The following ANKS1B variants were observed in gnomAD, a reference collection of about 807,000 sequenced individuals.
ANKS1B encodes the protein ankyrin repeat and sterile alpha motif domain-containing protein 1B.
Under a neutral mutation model 148.3 loss-of-function variants are expected in ANKS1B, and 36 were observed. The observed-to-expected ratio is 0.24, with a 90% confidence interval of 0.19 to 0.32. ANKS1B has a LOEUF of 0.32. ANKS1B is among the 10% of genes least tolerant of loss of function. The pLI is 1.00. For synonymous variants in ANKS1B, 542 were observed against 560.8 expected, an observed-to-expected ratio of 0.97 and a Z score of 0.47; for missense variants, 1,157 against 1,542.6, an observed-to-expected ratio of 0.75 and a Z score of 4.19.
chr12:99,118,979 A>G (rs1223428345), intron 15 of ANKS1B, among the ~76,000 whole-genome samples: 1 of 152,150 alleles, frequency 6.6e-6, no homozygotes, highest in Non-Finnish European at 1.5e-5. Flanking sequence ...TTTACTTCAC[A>G]CCAGCACTCA....
chr12:99,068,897 C>G (rs536260950), intron 16 of ANKS1B, among the ~76,000 whole-genome samples: 2 of 152,280 alleles, frequency 1.3e-5, no homozygotes, highest in East Asian at 1.9e-4. Context: ...CAAGCACCAT[C>G]CACCTGCCCA....
At chr12:99,112,543 T>A (rs1285038624) in intron 15 of ANKS1B, among the ~76,000 whole-genome samples, 1 of 152,014 alleles carries the variant, frequency 6.6e-6, no homozygotes, top group African/African-American at 2.4e-5. Context: ...AAAGTAGGGA[T>A]CATGTTATTC....
intron 14 of ANKS1B, among the ~76,000 whole-genome samples, chr12:99,177,535 G>T (rs986364446): frequency 2.6e-5 from 4 of 152,308 alleles, no homozygotes; most frequent in African/African-American, 9.6e-5. Context: ...ATAACAGAAT[G>T]GTAAGAAATT....
At chr12:99,380,801 CTTTCTCA>C (rs2093613513) in intron 12 of ANKS1B, among the ~76,000 whole-genome samples, 1 of 103,074 alleles carries the variant, frequency 9.7e-6, no homozygotes, top group South Asian at 3.6e-4. Context: ...TCCTTCCTTC[CTTTCTCA>C]TGCTCCACAA....
intron 12 of ANKS1B, among the ~76,000 whole-genome samples, chr12:99,370,868 A>AG (rs1219677271): frequency 6.6e-6 from 1 of 152,198 alleles, no homozygotes; most frequent in Non-Finnish European, 1.5e-5. Context: ...AGATTGAAGA[A>AG]GAGACTTACA....
At chr12:99,558,696 G>A (rs2097302944) in intron 9 of ANKS1B, among the ~76,000 whole-genome samples, 1 of 152,154 alleles carries the variant, frequency 6.6e-6, no homozygotes, top group Admixed American at 6.5e-5. Flanking sequence ...TGGAGCCCCA[G>A]GAGAGGCCAC....
intron 10 of ANKS1B, among the ~76,000 whole-genome samples, chr12:99,478,599 C>T (rs931439890): frequency 1.2e-4 from 18 of 152,074 alleles, no homozygotes; most frequent in African/African-American, 4.1e-4. Context: ...CTATGATGTT[C>T]GGTACCAGAA....
intron 17 of ANKS1B, among the ~76,000 whole-genome samples, chr12:98,868,685 A>G (rs1490028182): frequency 6.6e-6 from 1 of 152,256 alleles, no homozygotes; most frequent in Non-Finnish European, 1.5e-5. Flanking sequence ...CAATCCACAA[A>G]GTGGAATGAC....
At chr12:99,264,305 A>G (rs1350648295) in intron 12 of ANKS1B, among the ~76,000 whole-genome samples, 1 of 152,024 alleles carries the variant, frequency 6.6e-6, no homozygotes, top group East Asian at 1.9e-4. Context: ...ATTGGATCTC[A>G]TGGATCTTTC....
intron 12 of ANKS1B, among the ~76,000 whole-genome samples, chr12:99,388,584 G>C (rs529638021): frequency 2.0e-5 from 3 of 152,254 alleles, no homozygotes; most frequent in Admixed American, 2.0e-4. Context: ...ATGGCACAAC[G>C]AACTTAGTGG....
At chr12:99,982,210 T>TACA (rs1382420196) in intron 1 of ANKS1B, among the ~76,000 whole-genome samples, 1 of 151,654 alleles carries the variant, frequency 6.6e-6, no homozygotes, top group Non-Finnish European at 1.5e-5. Context: ...CTACTACTAC[T>TACA]ACACCAGCAA....
intron 12 of ANKS1B, among the ~76,000 whole-genome samples, chr12:99,300,110 A>G (rs993154784): frequency 1.3e-5 from 2 of 152,202 alleles, no homozygotes; most frequent in Non-Finnish European, 2.9e-5. Flanking sequence ...TATGCTTTAG[A>G]AAAATAAAAA....
intron 1 of ANKS1B, among the ~76,000 whole-genome samples, chr12:99,934,246 T>A (rs530133978): frequency 1.3e-5 from 2 of 152,136 alleles, no homozygotes; most frequent in South Asian, 4.1e-4. Flanking sequence ...TTTTGATGTA[T>A]CTTTGTCTGG....
chr12:98,780,317 T>C (rs997096448), intron 24 of ANKS1B, among the ~76,000 whole-genome samples: 2 of 152,242 alleles, frequency 1.3e-5, no homozygotes, highest in Non-Finnish European at 2.9e-5. Context: ...ATAAAACACA[T>C]GAACGTTTGG....
chr12:98,868,533 A>G (rs1289608298), intron 17 of ANKS1B, among the ~76,000 whole-genome samples: 1 of 151,828 alleles, frequency 6.6e-6, no homozygotes, highest in Non-Finnish European at 1.5e-5. Context: ...GGTGTTTCCC[A>G]AGTTATCTCA....
At chr12:99,364,081 C>A (rs995785193) in intron 12 of ANKS1B, among the ~76,000 whole-genome samples, 3 of 152,054 alleles carry the variant, frequency 2.0e-5, no homozygotes, top group Non-Finnish European at 4.4e-5. Flanking sequence ...TCCAAGAATG[C>A]CCCCAAAAGG....
rs1555231545 is a variant in ANKS1B at position 99,894,521 on chromosome 12, A to AAC, written c.135-69133_135-69132insGT. 8.4e-3 allele frequency among the ~76,000 whole-genome samples: 1,216 copies of AAC among 145,426 alleles called. 19 individuals carry two copies. Among genetic ancestry groups the AAC allele is most frequent in the Middle Eastern group, 0.01 (3 of 286 alleles). ...GGGACCCTGTCTCAAAAAAAAAAAA[A>AAC]AAAAAAAAACAAGGTACAAATCGTG... On this transcript the variant is annotated intron_variant, in intron 1 of 26. Coordinates refer to ENST00000683438, the MANE Select transcript of ANKS1B (RefSeq NM_001352186.2).
chr12:99,497,307 C>T (rs2096613644), intron 10 of ANKS1B, among the ~76,000 whole-genome samples: 1 of 152,182 alleles, frequency 6.6e-6, no homozygotes, highest in African/African-American at 2.4e-5. Context: ...ACCCACCCAT[C>T]CATTTTTGCT....
chr12:99,109,618 A>G lies in ANKS1B; in HGVS notation c.2527-24595T>C, dbSNP rs149224910. Among the ~76,000 whole-genome samples the G allele has an allele frequency of 7.1e-3, 1,081 of 152,334 alleles. 13 individuals are homozygous for G. Among genetic ancestry groups the G allele is most frequent in the South Asian group, 0.046 (223 of 4,828 alleles). ...AGGGTTCAAAATACATATAAGTGAT[A>G]ATAATGTTATTTACTATTTATTCAT... On this transcript the variant is annotated intron_variant, in intron 15 of 26. Transcript: ENST00000683438.
Sources: allele counts gnomAD v4.1 joint callset (sites outside exome capture counted in the v4.1 genomes callset), GRCh38; gene constraint gnomAD v4.1.1; transcripts MANE v1.5; gene names NCBI Gene and HGNC (gene_info 2026-07-23, HGNC 2026-07-21).